SLC24A2: variants seen among roughly 807,000 people sequenced by gnomAD.
The protein encoded by SLC24A2 is sodium/potassium/calcium exchanger 2.
A neutral mutation model predicts 62.0 loss-of-function variants in SLC24A2; 36 were observed. The ratio of observed to expected loss-of-function variants is 0.58; its 90% CI spans 0.44 to 0.77. SLC24A2 has a LOEUF of 0.77. Among genes scored for constraint, SLC24A2 ranks in the 30% least tolerant of loss-of-function variants. SLC24A2 has a pLI of 0.00. For synonymous variants in SLC24A2, 358 were observed against 294.0 expected (o/e 1.22, Z -2.23); for missense variants, 846 against 817.9 (o/e 1.03, Z -0.42).
At chr9:19,791,861 T>C (rs1823323955), upstream of SLC24A2, among the ~76,000 whole-genome samples, 1 of 152,242 alleles carries the variant, frequency 6.6e-6, no homozygotes, top group Non-Finnish European at 1.5e-5. Flanking sequence ...TATTTGTAGA[T>C]ACTTGTGTAA....
intron 2 of SLC24A2, among the ~76,000 whole-genome samples, chr9:19,776,506 A>G (rs1273316227): frequency 6.6e-6 from 1 of 152,184 alleles, no homozygotes; most frequent in Non-Finnish European, 1.5e-5. Flanking sequence ...CAGTCCAGGG[A>G]CACACATGCA....
At chr9:19,869,598 A>C in the SLC24A2 span, among the ~76,000 whole-genome samples, 1 of 152,180 alleles carries the variant, frequency 6.6e-6, no homozygotes, top group Non-Finnish European at 1.5e-5. Flanking sequence ...GTTTCTGTAC[A>C]TATTACAATG....
chr9:19,551,383 G>A (rs1053776357), intron 7 of SLC24A2, among the ~76,000 whole-genome samples: 1 of 152,220 alleles, frequency 6.6e-6, no homozygotes, highest in African/African-American at 2.4e-5. Context: ...AGCTTCTGAA[G>A]TCAGGGCTAG....
the SLC24A2 span, among the ~76,000 whole-genome samples, chr9:20,176,089 G>T: frequency 2.6e-5 from 4 of 151,928 alleles, no homozygotes; most frequent in Admixed American, 2.6e-4. Context: ...ACAACACTTG[G>T]GCTTTTTCGT....
chr9:19,941,899 G>A, the SLC24A2 span, among the ~76,000 whole-genome samples: 75 of 152,064 alleles, frequency 4.9e-4, 1 homozygote, highest in Non-Finnish European at 7.4e-4. Flanking sequence ...TTTGTGGCCT[G>A]TGTATGTGCA....
At chr9:20,191,304 G>A in the SLC24A2 span, among the ~76,000 whole-genome samples, 21 of 151,820 alleles carry the variant, frequency 1.4e-4, no homozygotes, top group East Asian at 3.9e-4. Context: ...CTGTTTCTGC[G>A]GACATAAAAA....
the SLC24A2 span, among the ~76,000 whole-genome samples, chr9:20,264,604 T>C: frequency 6.6e-6 from 1 of 152,220 alleles, no homozygotes; most frequent in South Asian, 2.1e-4. Flanking sequence ...CAAAAGACAA[T>C]CTCAGTTTTG....
intron 2 of SLC24A2, among the ~76,000 whole-genome samples, chr9:19,643,712 C>G (rs1818566593): frequency 5.3e-5 from 8 of 152,186 alleles, no homozygotes. Context: ...GTATGCCTCT[C>G]CAGTCTGCAA....
At chr9:19,807,722 T>C in the SLC24A2 span, among the ~76,000 whole-genome samples, 1 of 152,208 alleles carries the variant, frequency 6.6e-6, no homozygotes, top group Non-Finnish European at 1.5e-5. Flanking sequence ...GGATTGAATC[T>C]GCTTTAAACG....
intron 2 of SLC24A2, among the ~76,000 whole-genome samples, chr9:19,777,923 A>T (rs908431036): frequency 6.6e-6 from 1 of 152,140 alleles, no homozygotes; most frequent in Non-Finnish European, 1.5e-5. Flanking sequence ...TAAAAGGCAA[A>T]CCTAAAATTT....
intron 2 of SLC24A2, among the ~76,000 whole-genome samples, chr9:19,704,331 C>T (rs1430378330): frequency 1.3e-5 from 2 of 151,812 alleles, no homozygotes; most frequent in Admixed American, 6.6e-5. Context: ...CCATATGATA[C>T]TATATTGGTA....
the SLC24A2 span, among the ~76,000 whole-genome samples, chr9:20,256,840 G>A: frequency 6.6e-6 from 1 of 151,794 alleles, no homozygotes; most frequent in African/African-American, 2.4e-5. Context: ...CTCCTGCCAT[G>A]CCCATTGAGC....
the SLC24A2 span, among the ~76,000 whole-genome samples, chr9:20,074,601 G>GT: frequency 3.4e-5 from 2 of 58,394 alleles, no homozygotes; most frequent in Non-Finnish European, 6.8e-5. Context: ...AAGGAAGGAA[G>GT]GAAAGAAGGG....
At position 19,586,198 on chromosome 9, in the gene SLC24A2, C is replaced by T. The variant is rs1008785239; in HGVS notation, c.1130-9176G>A. 4.6e-5 allele frequency among the ~76,000 whole-genome samples: 7 copies of T among 152,254 alleles called. No individual in the cohort carries two copies. In the East Asian group the frequency reaches 7.7e-4, roughly 17 times the overall value. ...ATAGCACCTGATACCTATCCTATCACGGCACTTGTCATAGAGCCTCAGAAG... is the reference window on the plus strand; with the variant it reads ...ATAGCACCTGATACCTATCCTATCATGGCACTTGTCATAGAGCCTCAGAAG... On this transcript the variant is annotated intron_variant, in intron 5 of 10. Transcript: ENST00000341998.
At chr9:19,731,137 G>A (rs986183765) in intron 2 of SLC24A2, among the ~76,000 whole-genome samples, 26 of 152,024 alleles carry the variant, frequency 1.7e-4, no homozygotes, top group Non-Finnish European at 8.8e-5. Flanking sequence ...ATATTGTCTC[G>A]ATATCAAGCC....
At chr9:20,209,578 A>C in the SLC24A2 span, among the ~76,000 whole-genome samples, 45 of 152,260 alleles carry the variant, frequency 3.0e-4, no homozygotes, top group Non-Finnish European at 4.9e-4. Context: ...ACACCCCCAG[A>C]CTGGGGGCTC....
At chr9:20,089,688 G>A in the SLC24A2 span, among the ~76,000 whole-genome samples, 7 of 58,372 alleles carry the variant, frequency 1.2e-4, no homozygotes, top group Non-Finnish European at 1.9e-4. Flanking sequence ...CAGCCCCCCC[G>A]CCACCCCCTG....
the SLC24A2 span, among the ~76,000 whole-genome samples, chr9:19,906,487 C>A: frequency 6.6e-5 from 10 of 151,704 alleles, no homozygotes; most frequent in Non-Finnish European, 1.0e-4. Flanking sequence ...CAGAGCAGAA[C>A]TGAAGGAAAT....
intron 2 of SLC24A2, among the ~76,000 whole-genome samples, chr9:19,661,912 C>T (rs1314584243): frequency 6.6e-6 from 1 of 152,194 alleles, no homozygotes; most frequent in Non-Finnish European, 1.5e-5. Flanking sequence ...TTTTCACCTG[C>T]TCCATCCAGA....
Sources: gnomAD v4.1 joint callset for allele counts (sites outside exome capture counted in the v4.1 genomes callset) on GRCh38, gnomAD v4.1.1 for gene constraint, MANE v1.5 for transcripts, NCBI Gene and HGNC (gene_info 2026-07-23, HGNC 2026-07-21) for gene names.